Variants in TECRL observed in about 807,000 individuals in gnomAD.
TECRL encodes trans-2,3-enoyl-CoA reductase-like.
In TECRL, 63 loss-of-function variants were observed where a neutral mutation model predicts 52.8. The observed-to-expected ratio is 1.19, with a 90% CI of 0.97 to 1.47. The LOEUF (loss-of-function observed/expected upper bound fraction) is 1.47, where lower values mean the gene tolerates loss of function less well. Among genes scored for constraint, TECRL ranks in the 40% most tolerant of loss-of-function variants. The pLI is 0.00. For synonymous variants in TECRL, 164 were observed against 141.9 expected, an observed-to-expected ratio of 1.16 and a Z score of -1.10; for missense variants, 482 against 429.6, an observed-to-expected ratio of 1.12 and a Z score of -1.08.
At chr4:64,386,517 T>A (rs772078406) in intron 1 of TECRL, among the ~76,000 whole-genome samples, 2 of 152,096 alleles carry the variant, frequency 1.3e-5, no homozygotes, top group Non-Finnish European at 2.9e-5. Flanking sequence ...TATATATATG[T>A]CAGCGTAGAG....
chr4:64,379,276 ACACACACAC>A (rs1722617351), intron 1 of TECRL, among the ~76,000 whole-genome samples: 1 of 149,280 alleles, frequency 6.7e-6, no homozygotes, highest in Non-Finnish European at 1.5e-5. Context: ...ACACACACAC[ACACACACAC>A]ACTTGACCCT....
chr4:64,356,451 C>T (rs1030314088), intron 2 of TECRL, among the ~76,000 whole-genome samples: 1 of 152,160 alleles, frequency 6.6e-6, no homozygotes, highest in Non-Finnish European at 1.5e-5. Flanking sequence ...AGAAAAACCG[C>T]CCTGTGGTGG....
chr4:64,409,327 C>T lies in TECRL; in HGVS notation c.25G>A (p.Ala9Thr), dbSNP rs373269339. 24 of 1,613,340 alleles carry T rather than the reference C, an allele frequency of 1.5e-5. No homozygotes were observed. The highest frequency in any genetic ancestry group is 1.3e-4 in the African/African-American group (10 of 74,870). The change falls in exon 1 of 12, where the codon GCT (alanine) becomes ACT (threonine). Residue 9 changes from alanine to threonine, a missense_variant. By Grantham distance (58) the Ala-to-Thr change is moderately conservative. Transcript: ENST00000381210. MFKRHKSL[A>T]SERKRALLSQ... is the part of the protein sequence containing the mutation. ...AGTAATGCTCTCTTGCGTTCCGAAG[C>T]GAGGGACTTGTGCCTTTTGAACATT...
At chr4:64,402,253 G>A in intron 1 of TECRL, among the ~76,000 whole-genome samples, 1 of 150,308 alleles carries the variant, frequency 6.7e-6, no homozygotes, top group South Asian at 2.1e-4. Context: ...CTCAAACTAT[G>A]TAGAGTAAAG....
At chr4:64,292,483 C>G (rs1723447043) in intron 8 of TECRL, among the ~76,000 whole-genome samples, 1 of 151,850 alleles carries the variant, frequency 6.6e-6, no homozygotes, top group African/African-American at 2.4e-5. Context: ...AAACATTGCC[C>G]AGATAAATTT....
intron 1 of TECRL, among the ~76,000 whole-genome samples, chr4:64,382,426 TTGTTA>T (rs1340601146): frequency 1.3e-5 from 2 of 150,210 alleles, no homozygotes; most frequent in African/African-American, 4.9e-5. Flanking sequence ...ATATTTAGAA[TTGTTA>T]TATCCTCTTG....
At chr4:64,285,704 T>C (rs1723044732) in intron 9 of TECRL, among the ~76,000 whole-genome samples, 1 of 152,120 alleles carries the variant, frequency 6.6e-6, no homozygotes, top group Non-Finnish European at 1.5e-5. Flanking sequence ...TGGGACTTTA[T>C]AGATCAGAAC....
At chr4:64,375,667 A>G (rs1233981270) in intron 1 of TECRL, among the ~76,000 whole-genome samples, 3 of 151,900 alleles carry the variant, frequency 2.0e-5, no homozygotes, top group Non-Finnish European at 4.4e-5. Flanking sequence ...TTATGAGACA[A>G]AAGTCACCTT....
At chr4:64,352,917 C>T (rs1720497625) in intron 2 of TECRL, among the ~76,000 whole-genome samples, 1 of 152,124 alleles carries the variant, frequency 6.6e-6, no homozygotes, top group Admixed American at 6.5e-5. Context: ...GATGGAGTCT[C>T]ATTCTGCTAC....
At chr4:64,301,411 T>A (rs946325237) in intron 7 of TECRL, among the ~76,000 whole-genome samples, 1 of 151,182 alleles carries the variant, frequency 6.6e-6, no homozygotes, top group African/African-American at 2.4e-5. Flanking sequence ...AATTCTTTTA[T>A]TTATACCTAC....
chr4:64,327,963 T>G (rs1718375998), intron 3 of TECRL, among the ~76,000 whole-genome samples: 1 of 151,936 alleles, frequency 6.6e-6, no homozygotes, highest in Admixed American at 6.6e-5. Flanking sequence ...ACTCCAAATT[T>G]AAAATAAAGT....
At chr4:64,335,598 C>T (rs1272932831) in intron 2 of TECRL, among the ~76,000 whole-genome samples, 1 of 152,084 alleles carries the variant, frequency 6.6e-6, no homozygotes, top group Admixed American at 6.6e-5. Flanking sequence ...TCTCTGGTGC[C>T]AAAAAGGTTG....
rs781089333 is a variant in TECRL, at chr4:64,299,958, T to C, written c.774+16A>G. The C allele has an allele frequency of 2.0e-6, 3 of 1,514,062 alleles. No homozygotes were observed. In the South Asian group the frequency reaches 4.0e-5, roughly 20 times the overall value. The allele number at this position is 1,514,062 out of a possible 1,614,324, so 93.8% of individuals were successfully genotyped here. On this transcript the variant is annotated intron_variant, in intron 8 of 11. Transcript: ENST00000381210. Reference sequence around the variant, plus strand: ...AAATTAGAGCGTGAATAGCAAAATATATATATGATACATACCAGAAAATTG... The same window carrying C: ...AAATTAGAGCGTGAATAGCAAAATACATATATGATACATACCAGAAAATTG...
chr4:64,294,874 A>G (rs1301836958), intron 8 of TECRL, among the ~76,000 whole-genome samples: 1 of 152,072 alleles, frequency 6.6e-6, no homozygotes, highest in Non-Finnish European at 1.5e-5. Context: ...TTCACTTAGG[A>G]AATTTATTAA....
chr4:64,347,544 G>C (rs912685220), intron 2 of TECRL, among the ~76,000 whole-genome samples: 1 of 152,132 alleles, frequency 6.6e-6, no homozygotes, highest in Non-Finnish European at 1.5e-5. Flanking sequence ...CTGCATGGCT[G>C]GGGAGGCCTC....
chr4:64,402,507 A>G (rs954235917), intron 1 of TECRL, among the ~76,000 whole-genome samples: 3 of 152,078 alleles, frequency 2.0e-5, no homozygotes, highest in East Asian at 3.9e-4. Context: ...TGGGATGAGG[A>G]GTACATCTGC....
intron 1 of TECRL, among the ~76,000 whole-genome samples, chr4:64,377,295 T>C (rs1722472092): frequency 6.6e-6 from 1 of 151,958 alleles, no homozygotes; most frequent in Non-Finnish European, 1.5e-5. Context: ...AGCCACAGGA[T>C]TGTACTTGAT....
intron 2 of TECRL, among the ~76,000 whole-genome samples, chr4:64,374,006 G>GTA (rs1553919008): frequency 3.7e-5 from 5 of 135,186 alleles, no homozygotes; most frequent in African/African-American, 8.6e-5. Context: ...CTATACTATA[G>GTA]TATAGTATAT....
At chr4:64,286,271 A>T (rs2038579207) in intron 9 of TECRL, among the ~76,000 whole-genome samples, 1 of 152,144 alleles carries the variant, frequency 6.6e-6, no homozygotes, top group Admixed American at 6.6e-5. Flanking sequence ...AGTTGATTGT[A>T]CTCAAGAAAT....
Sources: gnomAD v4.1 joint callset for allele counts (sites outside exome capture counted in the v4.1 genomes callset) on GRCh38, gnomAD v4.1.1 for gene constraint, MANE v1.5 for transcripts, NCBI Gene and HGNC (gene_info 2026-07-23, HGNC 2026-07-21) for gene names.